Variants in AFAP1 observed in about 807,000 individuals in gnomAD.
The protein encoded by AFAP1 is actin filament-associated protein 1.
Under a neutral mutation model 93.9 loss-of-function variants are expected in AFAP1, and 75 were observed. The ratio of observed to expected loss-of-function variants is 0.80; its 90% CI spans 0.66 to 0.97. AFAP1 has a LOEUF of 0.97. Among genes scored for constraint, AFAP1 ranks in the 50% least tolerant of loss-of-function variants. The pLI, the probability that AFAP1 is intolerant of heterozygous loss-of-function variation, is 0.00. For missense variants in AFAP1, 1,201 were observed against 1,050.8 expected, an observed-to-expected ratio of 1.14 and a Z score of -1.98; for synonymous variants, 517 against 430.7, an observed-to-expected ratio of 1.20 and a Z score of -2.48.
chr4:7,871,673 A>G (rs551369399), intron 2 of AFAP1, among the ~76,000 whole-genome samples: 8 of 152,272 alleles, frequency 5.3e-5, no homozygotes, highest in African/African-American at 1.9e-4. Flanking sequence ...ACCTGATGCC[A>G]AGTCCCGTGA....
At chr4:7,864,095 A>AACTTCCCATCACAACACC (rs1716097784) in intron 3 of AFAP1, among the ~76,000 whole-genome samples, 1 of 29,268 alleles carries the variant, frequency 3.4e-5, no homozygotes, top group Non-Finnish European at 7.9e-5. Context: ...ATCACAACCC[A>AACTTCCCATCACAACACC]TTCCCAACTT....
At chr4:7,926,219 T>C (rs1189817440) in intron 1 of AFAP1, among the ~76,000 whole-genome samples, 2 of 152,202 alleles carry the variant, frequency 1.3e-5, no homozygotes, top group Non-Finnish European at 2.9e-5. Flanking sequence ...ATATGATCCA[T>C]AATTAAGAGG....
intron 9 of AFAP1, among the ~76,000 whole-genome samples, chr4:7,801,064 A>G (rs893880388): frequency 4.6e-5 from 7 of 152,226 alleles, no homozygotes; most frequent in Admixed American, 2.6e-4. Flanking sequence ...GCTGCAAATG[A>G]TACAAGTAGA....
chr4:7,888,113 C>T (rs1057059084), intron 1 of AFAP1, among the ~76,000 whole-genome samples: 1 of 152,274 alleles, frequency 6.6e-6, no homozygotes, highest in Non-Finnish European at 1.5e-5. Context: ...AGGCGTGAGC[C>T]ACCACGCCCA....
At chr4:7,827,347 G>T (rs552175347) in intron 6 of AFAP1, among the ~76,000 whole-genome samples, 24 of 152,082 alleles carry the variant, frequency 1.6e-4, no homozygotes, top group African/African-American at 5.8e-4. Flanking sequence ...TGAGGCAGGC[G>T]GATCACCTGA....
Position 7,819,146 on chromosome 4 carries a change from C to G in AFAP1, c.752G>C (p.Cys251Ser), listed in dbSNP as rs746517292. Residue 251 changes from cysteine to serine, a missense_variant, in exon 7 of 18, where the codon TGT (cysteine) becomes TCT (serine). Transcript: ENST00000420658. ...ACACTCTGAATCCACGGGGCCACTA[C>G]AACCACTGTAGGCTTCTTTGATCAC... ...LKVIKEAYSGCSGPVDSECPP... is the reference protein window; with the variant it reads ...LKVIKEAYSGSSGPVDSECPP... 2 of 1,613,510 alleles carry G rather than the reference C, an allele frequency of 1.2e-6. No individual in the cohort carries two copies. Among genetic ancestry groups the G allele is most frequent in the Non-Finnish European group, 1.7e-6 (2 of 1,179,860 alleles).
chr4:7,786,209 C>A lies in AFAP1; in HGVS notation c.1515G>T (p.Pro505=). The part of the protein sequence containing the change: ...SGTALHYDDV[P]CINGSWEPED... ...GGGCACTCACCGAGCCGTTGATGCA[C>A]GGGACATCGTCATAATGAAGTGCCG... Residue 505 remains proline (P), a synonymous_variant, in exon 12 of 18, where the codon CCG becomes CCT. Coordinates refer to ENST00000420658, the MANE Select transcript of AFAP1 (RefSeq NM_001134647.2). The A allele has an allele frequency of 1.2e-6, 2 of 1,614,054 alleles. No individual in the cohort carries two copies. The highest frequency in any genetic ancestry group is 2.7e-5 in the African/African-American group (2 of 75,026).
intron 1 of AFAP1, among the ~76,000 whole-genome samples, chr4:7,909,573 T>C (rs974272788): frequency 6.6e-6 from 1 of 152,166 alleles, no homozygotes; most frequent in Non-Finnish European, 1.5e-5. Flanking sequence ...TCACGGCAGG[T>C]AGTAACAGGA....
chr4:7,833,296 A>C (rs1305179246), intron 6 of AFAP1, among the ~76,000 whole-genome samples: 1 of 152,190 alleles, frequency 6.6e-6, no homozygotes, highest in African/African-American at 2.4e-5. Context: ...ACTCAAACAA[A>C]TTAGCAACAA....
chr4:7,864,167 A>AACTTCCCAT (rs1577313455), intron 3 of AFAP1, among the ~76,000 whole-genome samples: 118 of 125,696 alleles, frequency 9.4e-4, no homozygotes, highest in Non-Finnish European at 1.1e-3. Flanking sequence ...ATCACAACCC[A>AACTTCCCAT]CAGGTCCTTT....
chr4:7,871,506 C>T lies in AFAP1; in HGVS notation c.127+446G>A, dbSNP rs373125476. Among the ~76,000 whole-genome samples the T allele has an allele frequency of 7.2e-5, 11 of 152,170 alleles. No individual in the cohort carries two copies. In the East Asian group the frequency reaches 1.5e-3, roughly 21 times the overall value. On this transcript the variant is annotated intron_variant, in intron 2 of 17. Transcript: ENST00000420658. ...GCTGCGTTTTTATTGCTGAGGACAG[C>T]GTGTGCTCTGTGTGACCCTCGTGGG...
At chr4:7,919,434 A>G (rs1473350237) in intron 1 of AFAP1, among the ~76,000 whole-genome samples, 1 of 152,200 alleles carries the variant, frequency 6.6e-6, no homozygotes, top group Non-Finnish European at 1.5e-5. Context: ...ATATGGCTGA[A>G]TGGAACCTGT....
At chr4:7,899,089 G>GA (rs1718969470) in intron 1 of AFAP1, among the ~76,000 whole-genome samples, 1 of 151,566 alleles carries the variant, frequency 6.6e-6, no homozygotes, top group South Asian at 2.1e-4. Flanking sequence ...AACTTAGTGG[G>GA]AAAAATACAT....
intron 4 of AFAP1, among the ~76,000 whole-genome samples, chr4:7,848,812 T>C (rs1577291180): frequency 6.6e-6 from 1 of 152,262 alleles, no homozygotes; most frequent in East Asian, 1.9e-4. Flanking sequence ...CAGAAACTAG[T>C]TTCATGGGCA....
Position 7,789,413 on chromosome 4 carries a change from C to A in AFAP1, c.1413-3102G>T, listed in dbSNP as rs569276999. Reference sequence around the variant, plus strand: ...CTCCGCACCAGCCCCGGCTTTCCATCCTCTTCATCCTCACCACCCCATCCG... The same window carrying A: ...CTCCGCACCAGCCCCGGCTTTCCATACTCTTCATCCTCACCACCCCATCCG... On this transcript the variant is annotated intron_variant, in intron 11 of 17. Coordinates refer to ENST00000420658, the MANE Select transcript of AFAP1 (RefSeq NM_001134647.2). Among the ~76,000 whole-genome samples the A allele has an allele frequency of 2.1e-5, 3 of 144,088 alleles. No individual in the cohort carries two copies. In the East Asian group the frequency reaches 6.2e-4, roughly 30 times the overall value. The allele number at this position is 144,088 out of a possible 152,430, so 94.5% of individuals were successfully genotyped here.
intron 16 of AFAP1, among the ~76,000 whole-genome samples, chr4:7,769,811 G>A (rs1044525211): frequency 3.3e-5 from 5 of 152,244 alleles, no homozygotes; most frequent in Admixed American, 1.3e-4. Context: ...ATGAAAATGG[G>A]CAGCTCGGGG....
Position 7,809,731 on chromosome 4 carries a change from T to G in AFAP1, c.937A>C (p.Lys313Gln). 11 of 1,614,076 alleles carry G rather than the reference T, an allele frequency of 6.8e-6. No individual in the cohort carries two copies. The highest frequency in any genetic ancestry group is 9.3e-6 in the Non-Finnish European group (11 of 1,179,980). ...KRKKSSKSEA[K>Q]GTVSKVTGKK... ...CCAGTGACTTTCGACACAGTGCCCTTGGCCTCTGATTTGGAACTTTTCTTC... is the reference window on the plus strand; with the variant it reads ...CCAGTGACTTTCGACACAGTGCCCTGGGCCTCTGATTTGGAACTTTTCTTC... Residue 313 changes from lysine to glutamine, a missense_variant, in exon 9 of 18, where the codon AAG (lysine) becomes CAG (glutamine). Physicochemically the swap from Lys to Gln is moderately conservative, Grantham distance 53. Coordinates refer to ENST00000420658, the MANE Select transcript of AFAP1 (RefSeq NM_001134647.2).
At chr4:7,867,902 G>A (rs945965564) in intron 3 of AFAP1, among the ~76,000 whole-genome samples, 1 of 152,068 alleles carries the variant, frequency 6.6e-6, no homozygotes, top group Non-Finnish European at 1.5e-5. Context: ...CCCACCGTTC[G>A]TATCCTGGCA....
intron 1 of AFAP1, among the ~76,000 whole-genome samples, chr4:7,885,641 T>C (rs546923597): frequency 7.2e-5 from 11 of 152,378 alleles, no homozygotes; most frequent in Admixed American, 6.5e-5. Flanking sequence ...TATATGTTTG[T>C]TGAATTAATT....
Sources: allele counts gnomAD v4.1 joint callset (sites outside exome capture counted in the v4.1 genomes callset), GRCh38; gene constraint gnomAD v4.1.1; transcripts MANE v1.5; gene names NCBI Gene and HGNC (gene_info 2026-07-23, HGNC 2026-07-21).